EPHA6: variants seen among roughly 807,000 people sequenced by gnomAD.
The protein encoded by EPHA6 is ephrin type-A receptor 6.
A neutral mutation model predicts 112.0 loss-of-function variants in EPHA6; 50 were observed. The observed-to-expected ratio is 0.45, with a 90% CI of 0.36 to 0.56. The LOEUF is 0.56. EPHA6 is among the 20% of genes least tolerant of loss of function. The pLI, the probability that EPHA6 is intolerant of heterozygous loss-of-function variation, is 0.00. For synonymous variants in EPHA6, 529 were observed against 490.7 expected (o/e 1.08, Z -1.03); for missense variants, 1,280 against 1,417.4 (o/e 0.90, Z 1.56).
chr3:97,577,404 G>C (rs1034042522), intron 11 of EPHA6, among the ~76,000 whole-genome samples: 1 of 152,018 alleles, frequency 6.6e-6, no homozygotes, highest in Non-Finnish European at 1.5e-5. Flanking sequence ...AATAGTGAAG[G>C]AACACAAGCC....
intron 10 of EPHA6, among the ~76,000 whole-genome samples, chr3:97,514,207 C>A (rs564949196): frequency 3.9e-5 from 6 of 152,242 alleles, no homozygotes; most frequent in African/African-American, 1.2e-4. Context: ...AATCTGTTTC[C>A]TCCTCTTTTC....
chr3:97,057,814 G>A (rs116292510), intron 3 of EPHA6, among the ~76,000 whole-genome samples: 2,014 of 152,240 alleles, frequency 0.013, 48 homozygotes, highest in African/African-American at 0.046. Context: ...TAAGAACAGA[G>A]GGGAGAATTG....
At position 97,733,810 on chromosome 3, in the gene EPHA6, T is replaced by C. The variant is rs1490558194; in HGVS notation, c.2935-2115T>C. Among the ~76,000 whole-genome samples the C allele has an allele frequency of 2.0e-5, 3 of 152,164 alleles. No homozygotes were observed. The East Asian group carries it at 5.8e-4, about 30-fold the overall frequency. ...CAGAATATTAAACTTAGGATCCAAG[T>C]AAAAACATTGAAGTCCAAATAGCAG... On this transcript the variant is annotated intron_variant, in intron 15 of 17. Coordinates refer to ENST00000389672, the MANE Select transcript of EPHA6 (RefSeq NM_001080448.3).
chr3:97,320,182 A>C (rs1018397510), intron 5 of EPHA6, among the ~76,000 whole-genome samples: 1 of 152,054 alleles, frequency 6.6e-6, no homozygotes, highest in African/African-American at 2.4e-5. Flanking sequence ...CAGAGAACAC[A>C]GAAATAGACA....
chr3:97,123,559 G>A (rs768672069), intron 3 of EPHA6, among the ~76,000 whole-genome samples: 1 of 152,102 alleles, frequency 6.6e-6, no homozygotes. Flanking sequence ...TCATGTAGAG[G>A]TGGAGCTGGA....
At chr3:97,326,665 G>A (rs1559886226) in intron 5 of EPHA6, among the ~76,000 whole-genome samples, 1 of 152,056 alleles carries the variant, frequency 6.6e-6, no homozygotes, top group East Asian at 1.9e-4. Context: ...TTAGGTTTCA[G>A]TCAAGCAAAT....
intron 6 of EPHA6, among the ~76,000 whole-genome samples, chr3:97,421,179 G>A (rs765732991): frequency 2.6e-4 from 39 of 151,888 alleles, no homozygotes; most frequent in Admixed American, 2.3e-3. Flanking sequence ...AGAGGATCTC[G>A]CCATTCCAAT....
intron 2 of EPHA6, among the ~76,000 whole-genome samples, chr3:96,957,753 A>G (rs1459035731): frequency 6.6e-6 from 1 of 152,202 alleles, no homozygotes; most frequent in African/African-American, 2.4e-5. Flanking sequence ...CATGACCCAC[A>G]TGTATTGAAA....
At chr3:97,293,344 C>G (rs1235118777) in intron 5 of EPHA6, among the ~76,000 whole-genome samples, 1 of 152,040 alleles carries the variant, frequency 6.6e-6, no homozygotes, top group Admixed American at 6.5e-5. Context: ...GTAGGTTGCT[C>G]CTTTTGGCAG....
At chr3:97,645,616 G>A (rs2094053474) in intron 14 of EPHA6, among the ~76,000 whole-genome samples, 6 of 151,502 alleles carry the variant, frequency 4.0e-5, no homozygotes, top group Admixed American at 2.6e-4. Flanking sequence ...GTATACATAT[G>A]TAACTAACCT....
At chr3:97,105,326 G>A (rs929201811) in intron 3 of EPHA6, among the ~76,000 whole-genome samples, 22 of 151,992 alleles carry the variant, frequency 1.4e-4, no homozygotes, top group Non-Finnish European at 3.1e-4. Flanking sequence ...TCTTAGCTGT[G>A]TCACAGAGAT....
chr3:97,135,916 G>A lies in EPHA6; in HGVS notation c.1115-90348G>A, dbSNP rs1488142523. Among the ~76,000 whole-genome samples the A allele has an allele frequency of 5.9e-5, 9 of 151,996 alleles. No homozygotes were observed. In the South Asian group the frequency reaches 1.7e-3, roughly 28 times the overall value. On this transcript the variant is annotated intron_variant, in intron 3 of 17. Transcript: ENST00000389672. ...AAAACCACAGCAGCAAGCAAGCTAT[G>A]AGTGGTAAGAATAAAATGGTGTTGT...
intron 3 of EPHA6, among the ~76,000 whole-genome samples, chr3:97,018,605 G>A (rs542099761): frequency 5.8e-4 from 88 of 152,326 alleles, no homozygotes; most frequent in African/African-American, 2.1e-3. Flanking sequence ...GAGACTTTTA[G>A]TACTTTCACT....
intron 5 of EPHA6, among the ~76,000 whole-genome samples, chr3:97,333,025 T>C (rs2082874758): frequency 6.6e-6 from 1 of 152,136 alleles, no homozygotes; most frequent in African/African-American, 2.4e-5. Context: ...GAAATTGCAT[T>C]AATCCTATAG....
At chr3:96,818,407 G>A (rs966953963) in intron 1 of EPHA6, among the ~76,000 whole-genome samples, 2 of 151,970 alleles carry the variant, frequency 1.3e-5, no homozygotes, top group Admixed American at 1.3e-4. Context: ...GGGTAAGTTA[G>A]TCTAGTGAAC....
At chr3:97,154,443 T>C (rs1348558074) in intron 3 of EPHA6, among the ~76,000 whole-genome samples, 2 of 152,292 alleles carry the variant, frequency 1.3e-5, no homozygotes, top group East Asian at 3.9e-4. Context: ...ACCAAGTTCA[T>C]TAACATATCC....
At chr3:96,827,825 T>C (rs2033768460) in intron 1 of EPHA6, among the ~76,000 whole-genome samples, 2 of 152,266 alleles carry the variant, frequency 1.3e-5, no homozygotes, top group South Asian at 4.1e-4. Context: ...CAAATTCCTT[T>C]GCATGAATTA....
chr3:97,645,945 A>G (rs1282707035), intron 14 of EPHA6, among the ~76,000 whole-genome samples: 2 of 152,184 alleles, frequency 1.3e-5, no homozygotes, highest in Non-Finnish European at 2.9e-5. Flanking sequence ...GGGCTTAAAA[A>G]TAAGAAGACA....
chr3:97,332,038 A>C (rs1480715454), intron 5 of EPHA6, among the ~76,000 whole-genome samples: 1 of 152,208 alleles, frequency 6.6e-6, no homozygotes, highest in Non-Finnish European at 1.5e-5. Context: ...ATCCAGCAGC[A>C]CACCAAAAAG....
Sources: gnomAD v4.1 joint callset for allele counts (sites outside exome capture counted in the v4.1 genomes callset) on GRCh38, gnomAD v4.1.1 for gene constraint, MANE v1.5 for transcripts, NCBI Gene and HGNC (gene_info 2026-07-23, HGNC 2026-07-21) for gene names.